HSD17B2: variants seen among roughly 807,000 people sequenced by gnomAD.
HSD17B2 encodes the protein 17-beta-hydroxysteroid dehydrogenase type 2.
A neutral mutation model predicts 26.9 loss-of-function variants in HSD17B2; 32 were observed. That is an observed-to-expected ratio of 1.19 (90% CI 0.90 to 1.60). The LOEUF (loss-of-function observed/expected upper bound fraction) is 1.60. Ranked by LOEUF, HSD17B2 falls within the 40% of genes most tolerant of loss-of-function variation. The pLI is 0.00. For missense variants in HSD17B2, 613 were observed against 468.6 expected (o/e 1.31, Z -2.85); for synonymous variants, 246 against 186.7 (o/e 1.32, Z -2.59).
At chr16:82,039,248 TACACACAC>T (rs56169712) in intron 1 of HSD17B2, among the ~76,000 whole-genome samples, 12 of 145,288 alleles carry the variant, frequency 8.3e-5, no homozygotes, top group South Asian at 2.2e-4. Flanking sequence ...TGGAAAATAA[TACACACAC>T]ACACACACAC....
intron 1 of HSD17B2, among the ~76,000 whole-genome samples, chr16:82,042,128 C>T (rs572720426): frequency 1.3e-5 from 2 of 152,040 alleles, no homozygotes; most frequent in Admixed American, 6.5e-5. Context: ...CTCAGCCTCC[C>T]GAGTAGCTGG....
intron 4 of HSD17B2, chr16:82,095,259 T>A (rs58233782): frequency 4.3e-4 from 65 of 152,282 alleles, no homozygotes; most frequent in African/African-American, 1.3e-3. Flanking sequence ...TCCAGAGTAA[T>A]TGTCATGATA....
At chr16:82,044,872 C>G (rs1913873672) in intron 1 of HSD17B2, among the ~76,000 whole-genome samples, 2 of 152,028 alleles carry the variant, frequency 1.3e-5, no homozygotes, top group Admixed American at 1.3e-4. Context: ...AATCTCAGCA[C>G]TTTGGGAGGC....
chr16:82,062,591 G>A (rs1244662543), intron 1 of HSD17B2, among the ~76,000 whole-genome samples: 3 of 152,198 alleles, frequency 2.0e-5, no homozygotes, highest in Non-Finnish European at 2.9e-5. Context: ...TGTCTTAGCT[G>A]AATGACTTAA....
intron 1 of HSD17B2, among the ~76,000 whole-genome samples, chr16:82,063,767 G>A (rs1178716091): frequency 2.6e-5 from 4 of 152,162 alleles, no homozygotes; most frequent in Non-Finnish European, 2.9e-5. Flanking sequence ...TGATCAGGAA[G>A]GTCTGTAAAG....
At chr16:82,052,489 T>A (rs1392160628) in intron 1 of HSD17B2, 4 of 152,374 alleles carry the variant, frequency 2.6e-5, no homozygotes, top group African/African-American at 9.6e-5. Flanking sequence ...GAGTTCTAGT[T>A]TGCTCATAGC....
intron 1 of HSD17B2, among the ~76,000 whole-genome samples, chr16:82,059,867 G>A (rs983584025): frequency 6.6e-6 from 1 of 152,030 alleles, no homozygotes; most frequent in African/African-American, 2.4e-5. Flanking sequence ...ACAAGAATAT[G>A]GGAGAATTCT....
chr16:82,086,021 C>G (rs1479270753), intron 3 of HSD17B2, among the ~76,000 whole-genome samples: 1 of 151,912 alleles, frequency 6.6e-6, no homozygotes, highest in Non-Finnish European at 1.5e-5. Flanking sequence ...TCTTATACTA[C>G]TGGTAGAAAT....
At chr16:82,089,122 A>G (rs1904611324) in intron 3 of HSD17B2, among the ~76,000 whole-genome samples, 2 of 152,126 alleles carry the variant, frequency 1.3e-5, no homozygotes, top group Admixed American at 1.3e-4. Context: ...GGTGGGCACA[A>G]TGTTCATAGC....
At chr16:82,046,028 G>T (rs1300255443) in intron 1 of HSD17B2, among the ~76,000 whole-genome samples, 2 of 152,350 alleles carry the variant, frequency 1.3e-5, no homozygotes, top group East Asian at 3.9e-4. Context: ...TCTCTATGAG[G>T]CAGGGCATTA....
At position 82,067,282 on chromosome 16, in the gene HSD17B2, T is replaced by A. The variant is rs190731524; in HGVS notation, c.266-888T>A. On this transcript the variant is annotated intron_variant, in intron 1 of 4. Transcript: ENST00000199936. ...ACATGACACAGGCAATGTGAAATAC[T>A]TTCTTATTAAAACAAGAGAGACGTT... Among the ~76,000 whole-genome samples, 14 of 152,372 alleles carry A rather than the reference T, an allele frequency of 9.2e-5. No individual in the cohort carries two copies. In the East Asian group the frequency reaches 2.5e-3, roughly 27 times the overall value.
intron 4 of HSD17B2, chr16:82,097,568 A>T (rs986617097): frequency 6.6e-6 from 1 of 152,088 alleles, no homozygotes; most frequent in Non-Finnish European, 1.5e-5. Flanking sequence ...AGTTTGGAAA[A>T]ATCCAATTAC....
Position 82,068,286 on chromosome 16 carries a change from T to C in HSD17B2, c.382T>C (p.Cys128Arg). The C allele has an allele frequency of 6.2e-7, 1 of 1,613,896 alleles. No homozygotes were observed. Among genetic ancestry groups the C allele is most frequent in the Non-Finnish European group, 8.5e-7 (1 of 1,179,968 alleles). The change falls in exon 2 of 5, where the codon TGC becomes CGC. Residue 128 changes from cysteine (C) to arginine (R), a missense_variant. Transcript: ENST00000199936. ...AGGAGCTGAGGAATTGCGAAGAACC[T>C]GCTCTCCGCGCCTCTCGGTGCTCCA... ...GPGAEELRRT[C>R]SPRLSVLQMD...
intron 1 of HSD17B2, among the ~76,000 whole-genome samples, chr16:82,042,608 ATATTT>A (rs567502525): frequency 9.7e-4 from 147 of 151,520 alleles, no homozygotes; most frequent in Middle Eastern, 6.8e-3. Context: ...TTCTTATATT[ATATTT>A]TATTTTATTT....
At chr16:82,065,331 A>T (rs1914545422) in intron 1 of HSD17B2, among the ~76,000 whole-genome samples, 1 of 152,078 alleles carries the variant, frequency 6.6e-6, no homozygotes, top group Non-Finnish European at 1.5e-5. Flanking sequence ...AGCAGCAGAT[A>T]CCCTGATTGA....
rs1913600792 is a variant in HSD17B2, at chr16:82,035,517, A to G, written c.93A>G (p.Ser31=). The change falls in exon 1 of 5, where the codon TCA becomes TCG. Residue 31 remains serine, a synonymous_variant. Coordinates refer to ENST00000199936, the MANE Select transcript of HSD17B2 (RefSeq NM_002153.3). ...GTVFCKYKKS[S]GQLWSWMVCL... ...TATTTTGCAAATACAAGAAGAGCTC[A>G]GGGCAGCTGTGGAGCTGGATGGTCT... 1.2e-6 allele frequency: 2 copies of G among 1,614,002 alleles called. No homozygotes were observed. The highest frequency in any genetic ancestry group is 3.3e-5 in the Admixed American group (2 of 60,012).
intron 3 of HSD17B2, among the ~76,000 whole-genome samples, chr16:82,076,190 A>T (rs1023059680): frequency 1.3e-5 from 2 of 152,172 alleles, no homozygotes; most frequent in African/African-American, 4.8e-5. Context: ...TCCCTTTATG[A>T]TAAAAACCCT....
At chr16:82,037,472 T>A (rs548417648) in intron 1 of HSD17B2, among the ~76,000 whole-genome samples, 14 of 152,306 alleles carry the variant, frequency 9.2e-5, no homozygotes, top group African/African-American at 2.9e-4. Flanking sequence ...TTAGCACGCA[T>A]TGTGGTGGGG....
chr16:82,090,990 CA>C lies in HSD17B2; in HGVS notation c.755del (p.Lys252SerfsTer15), dbSNP rs1904676934. ...CATCAGTTATGAGACTGGAGCTTTC[CA>C]AGTGGGGAATTAAAGTTGCTTCCAT... The part of the protein sequence containing the change: ...FSSVMRLELS[K>X]WGIKVASIQP... On this transcript the variant is annotated frameshift_variant, in exon 4 of 5. Transcript: ENST00000199936. LOFTEE classifies it low-confidence loss of function (END_TRUNC). 1.2e-6 allele frequency: 2 copies of C among 1,613,924 alleles called. No individual in the cohort carries two copies. The highest frequency in any genetic ancestry group is 4.5e-5 in the East Asian group (2 of 44,870).
Sources: gnomAD v4.1 joint callset for allele counts (sites outside exome capture counted in the v4.1 genomes callset) on GRCh38, gnomAD v4.1.1 for gene constraint, MANE v1.5 for transcripts, NCBI Gene and HGNC (gene_info 2026-07-23, HGNC 2026-07-21) for gene names.